Variants in BMP6 observed in about 807,000 individuals in gnomAD.
The protein encoded by BMP6 is VG-1-R.
Under a neutral mutation model 54.1 loss-of-function variants are expected in BMP6, and 17 were observed. The observed-to-expected ratio is 0.31, with a 90% confidence interval of 0.22 to 0.47. The LOEUF is 0.47. BMP6 is among the 20% of genes least tolerant of loss of function. BMP6 has a pLI of 1.00. For missense variants in BMP6, 720 were observed against 690.4 expected, an observed-to-expected ratio of 1.04 and a Z score of -0.48; for synonymous variants, 328 against 291.2, an observed-to-expected ratio of 1.13 and a Z score of -1.28.
rs1038063649 is a variant in BMP6 at position 7,875,920 on chromosome 6, G to C, written c.1205-3154G>C. On this transcript the variant is annotated intron_variant, in intron 4 of 6. Coordinates refer to ENST00000283147, the MANE Select transcript of BMP6 (RefSeq NM_001718.6). ...GTCATCACCCTAGACACTGGCTGCCGTACTACCCATTCTTGATGTCACCTT... is the reference window on the plus strand; with the variant it reads ...GTCATCACCCTAGACACTGGCTGCCCTACTACCCATTCTTGATGTCACCTT... Among the ~76,000 whole-genome samples the C allele has an allele frequency of 3.9e-5, 6 of 152,260 alleles. No individual in the cohort carries two copies. The South Asian group carries it at 1.2e-3, about 32-fold the overall frequency.
At chr6:7,866,705 G>T (rs2113282962) in intron 4 of BMP6, among the ~76,000 whole-genome samples, 1 of 152,298 alleles carries the variant, frequency 6.6e-6, no homozygotes, top group Middle Eastern at 3.4e-3. Context: ...AACATTATCT[G>T]CACTTTAATG....
intron 1 of BMP6, among the ~76,000 whole-genome samples, chr6:7,769,028 A>G (rs1434649193): frequency 1.3e-5 from 2 of 152,226 alleles, no homozygotes; most frequent in Admixed American, 6.5e-5. Flanking sequence ...ACTAGATACA[A>G]CAGTTCAAAA....
chr6:7,825,208 A>T (rs1158635235), intron 1 of BMP6, among the ~76,000 whole-genome samples: 1 of 137,320 alleles, frequency 7.3e-6, no homozygotes, highest in East Asian at 3.1e-4. Context: ...TAGTTCCAGG[A>T]GTTCAAGCTT....
At chr6:7,862,850 G>A (rs903970479) in intron 4 of BMP6, among the ~76,000 whole-genome samples, 3 of 152,152 alleles carry the variant, frequency 2.0e-5, no homozygotes, top group African/African-American at 4.8e-5. Context: ...ATGCTGGGGG[G>A]TTATGATGTG....
intron 2 of BMP6, among the ~76,000 whole-genome samples, chr6:7,851,044 A>G (rs1043089128): frequency 1.3e-5 from 2 of 152,176 alleles, no homozygotes; most frequent in African/African-American, 4.8e-5. Context: ...ATAAGGCTTG[A>G]TATCTGATGT....
chr6:7,825,465 C>G (rs1758680013), intron 1 of BMP6, among the ~76,000 whole-genome samples: 1 of 152,054 alleles, frequency 6.6e-6, no homozygotes, highest in Non-Finnish European at 1.5e-5. Context: ...TCACACCTGT[C>G]ATCCCAGCAC....
chr6:7,841,132 T>C (rs1581272221), intron 1 of BMP6, among the ~76,000 whole-genome samples: 2 of 152,348 alleles, frequency 1.3e-5, no homozygotes, highest in South Asian at 2.1e-4. Context: ...AGAAATGTTA[T>C]TATTTCAATT....
At chr6:7,835,306 T>C (rs574676434) in intron 1 of BMP6, among the ~76,000 whole-genome samples, 1 of 152,212 alleles carries the variant, frequency 6.6e-6, no homozygotes, top group African/African-American at 2.4e-5. Context: ...GTATTTTTAG[T>C]AGAGATGGGG....
chr6:7,751,053 C>T (rs1053124703), intron 1 of BMP6, among the ~76,000 whole-genome samples: 5 of 152,182 alleles, frequency 3.3e-5, no homozygotes, highest in South Asian at 2.1e-4. Flanking sequence ...ACTCTCTTCC[C>T]GGCCATATTA....
chr6:7,792,279 G>A (rs1368800061), intron 1 of BMP6, among the ~76,000 whole-genome samples: 1 of 152,130 alleles, frequency 6.6e-6, no homozygotes, highest in Non-Finnish European at 1.5e-5. Flanking sequence ...AACTGATTGA[G>A]GATATTAACC....
chr6:7,745,178 C>T (rs1000801193), intron 1 of BMP6, among the ~76,000 whole-genome samples: 2 of 152,148 alleles, frequency 1.3e-5, no homozygotes, highest in Admixed American at 1.3e-4. Flanking sequence ...TTTCAAATAG[C>T]CTATGAAGGA....
intron 1 of BMP6, among the ~76,000 whole-genome samples, chr6:7,832,937 G>A (rs948800180): frequency 6.6e-6 from 1 of 151,852 alleles, no homozygotes; most frequent in Non-Finnish European, 1.5e-5. Flanking sequence ...GTGGAAAAGG[G>A]TGAGGGACGA....
intron 1 of BMP6, among the ~76,000 whole-genome samples, chr6:7,772,596 C>G (rs996771200): frequency 1.3e-5 from 2 of 152,172 alleles, no homozygotes; most frequent in Admixed American, 1.3e-4. Context: ...ATTGCATCCT[C>G]TCCCTCAGGG....
chr6:7,858,518 C>T (rs551634830), intron 2 of BMP6, among the ~76,000 whole-genome samples: 12 of 152,236 alleles, frequency 7.9e-5, no homozygotes, highest in Admixed American at 2.6e-4. Flanking sequence ...ACAGTACTTT[C>T]AGCCTCTGCC....
intron 5 of BMP6, among the ~76,000 whole-genome samples, chr6:7,879,378 CTG>C (rs994000109): frequency 1.3e-5 from 2 of 152,160 alleles, no homozygotes; most frequent in African/African-American, 4.8e-5. Context: ...TGCCTGAGCT[CTG>C]TGATCCCTCA....
intron 1 of BMP6, among the ~76,000 whole-genome samples, chr6:7,814,311 T>C (rs1028878902): frequency 1.3e-5 from 2 of 152,214 alleles, no homozygotes; most frequent in Non-Finnish European, 2.9e-5. Context: ...CATCTCATCA[T>C]GTTTATACTC....
At chr6:7,873,714 G>A (rs1290310560) in intron 4 of BMP6, among the ~76,000 whole-genome samples, 2 of 151,990 alleles carry the variant, frequency 1.3e-5, no homozygotes, top group Non-Finnish European at 2.9e-5. Context: ...TAGGGCCTCA[G>A]GAGCATAACA....
chr6:7,852,990 A>AT (rs918892847), intron 2 of BMP6, among the ~76,000 whole-genome samples: 2 of 151,764 alleles, frequency 1.3e-5, no homozygotes, highest in Admixed American at 1.3e-4. Flanking sequence ...TTGAATTTTG[A>AT]TTTTCTCCCC....
At chr6:7,772,788 A>C (rs989245856) in intron 1 of BMP6, among the ~76,000 whole-genome samples, 2 of 152,110 alleles carry the variant, frequency 1.3e-5, no homozygotes, top group Non-Finnish European at 2.9e-5. Flanking sequence ...GGACCCTTCT[A>C]TCTAAGGTCC....
Sources: allele counts gnomAD v4.1 joint callset (sites outside exome capture counted in the v4.1 genomes callset), GRCh38; gene constraint gnomAD v4.1.1; transcripts MANE v1.5; gene names NCBI Gene and HGNC (gene_info 2026-07-23, HGNC 2026-07-21).